The following IGSF3 variants were observed in gnomAD, a reference collection of about 807,000 sequenced individuals.
IGSF3 encodes the protein immunoglobulin superfamily member 3.
IGSF3 carries 23 observed loss-of-function variants against 114.4 expected under a neutral mutation model. The ratio of observed to expected loss-of-function variants is 0.20; its 90% CI spans 0.14 to 0.28. IGSF3 has a LOEUF of 0.28. Among genes scored for constraint, IGSF3 ranks in the 10% least tolerant of loss-of-function variants. The pLI is 1.00. For missense variants in IGSF3, 1,172 were observed against 1,591.5 expected (o/e 0.74, Z 4.48); for synonymous variants, 571 against 645.2 (o/e 0.88, Z 1.74).
In IGSF3 at chr1:116,661,335, A is replaced by C. The variant is rs1046510528; in HGVS notation, c.43+4949T>G. ...TGAACACCTGCTTACTTTGCATGGC[A>C]CAAGGCTGAGTTCTGGGACTACAGT... is the stretch of plus-strand genomic sequence containing the variant. On this transcript the variant is annotated intron_variant, in intron 2 of 10. Coordinates refer to ENST00000369486, the MANE Select transcript of IGSF3 (RefSeq NM_001007237.3). This position sits in a 1 kb window ranked among gnomAD's most constrained non-coding sequence, Gnocchi z 4.0. 1.3e-5 allele frequency among the ~76,000 whole-genome samples: 2 copies of C among 152,200 alleles called. No homozygotes were observed. Among genetic ancestry groups the C allele is most frequent in the Non-Finnish European group, 2.9e-5 (2 of 68,038 alleles).
At chr1:116,637,629 C>T (rs1398229495) in intron 2 of IGSF3, among the ~76,000 whole-genome samples, 1 of 152,308 alleles carries the variant, frequency 6.6e-6, no homozygotes, top group African/African-American at 2.4e-5. Context: ...ACATGGCAGA[C>T]ACCTGCCAAC....
chr1:116,606,468 G>A (rs750347005), intron 5 of IGSF3: 1 of 1,612,352 alleles, frequency 6.2e-7, no homozygotes. Context: ...CGATGTGATT[G>A]TTGTTGTTCT....
At chr1:116,622,133 C>A (rs1443414244) in intron 2 of IGSF3, among the ~76,000 whole-genome samples, 3 of 152,220 alleles carry the variant, frequency 2.0e-5, no homozygotes, top group Non-Finnish European at 2.9e-5. Context: ...CACCATTTTA[C>A]ATCTACTTTT....
chr1:116,589,064 G>C lies in IGSF3; in HGVS notation c.2070C>G (p.Thr690=). 6.2e-7 allele frequency: 1 copy of C among 1,614,112 alleles called. No homozygotes were observed. Among genetic ancestry groups the C allele is most frequent in the Admixed American group, 1.7e-5 (1 of 60,016 alleles). The change falls in exon 8 of 11, where the codon ACC becomes ACG. Residue 690 remains threonine (T), a synonymous_variant. Coordinates refer to ENST00000369486, the MANE Select transcript of IGSF3 (RefSeq NM_001007237.3). The surrounding 1 kb of genome is among the most constrained non-coding windows in gnomAD (Gnocchi z 5.7). The part of the protein sequence containing the change: ...LQVSKSKRTL[T]LVENKPIQLN... ...ACTGAATGGGCTTGTTTTCCACCAG[G>C]GTGAGGGTCCTCTTCGATTTGCTCA...
rs761730940 is a variant in IGSF3, at chr1:116,588,817, C to T, written c.2317G>A (p.Glu773Lys). 3.1e-6 allele frequency: 5 copies of T among 1,614,044 alleles called. No homozygotes were observed. Among genetic ancestry groups the T allele is most frequent in the Middle Eastern group, 1.6e-4 (1 of 6,078 alleles). Residue 773 changes from glutamate to lysine, a missense_variant, in exon 8 of 11, where the codon GAG becomes AAG. Glu to Lys is a moderately conservative substitution (Grantham distance 56, BLOSUM62 1). Transcript: ENST00000369486. This position sits in a 1 kb window ranked among gnomAD's most constrained non-coding sequence, Gnocchi z 4.9. ...GLFSLTVQRA[E>K]VSDSGSYYCH... The stretch of plus-strand genomic sequence containing the variant: ...TAGTAGCTGCCGCTGTCGCTGACCT[C>T]GGCTCTCTGGACGGTGAGGCTGAAC...
intron 5 of IGSF3, among the ~76,000 whole-genome samples, chr1:116,604,752 A>G (rs1221092423): frequency 6.6e-6 from 1 of 152,188 alleles, no homozygotes; most frequent in East Asian, 1.9e-4. Flanking sequence ...TGGCCAATCA[A>G]AAGTTTGGGA....
chr1:116,584,534 T>C lies in IGSF3; in HGVS notation c.2848+111A>G. On this transcript the variant is annotated intron_variant, in intron 9 of 10. Transcript: ENST00000369486. This position sits in a 1 kb window ranked among gnomAD's most constrained non-coding sequence, Gnocchi z 5.8. ...ATGCATATACATGTAGACACTCATA[T>C]ATTTAACTGCAAATAATTTATTAAT... 9.1e-7 allele frequency: 1 copy of C among 1,103,762 alleles called. No homozygotes were observed. The highest frequency in any genetic ancestry group is 1.4e-5 in the South Asian group (1 of 73,118). The allele number at this position is 1,103,762 out of a possible 1,614,324, so 68.4% of individuals were successfully genotyped here. A position where few individuals can be genotyped will look rare whatever the true frequency, so the allele number is the denominator to read the frequency against.
At chr1:116,602,362 TAAAA>T (rs113856068) in intron 6 of IGSF3, among the ~76,000 whole-genome samples, 1 of 145,160 alleles carries the variant, frequency 6.9e-6, no homozygotes, top group African/African-American at 2.5e-5. Flanking sequence ...CCAGGATGGT[TAAAA>T]AAAAAAAAAA....
rs376397898 is a variant in IGSF3 at position 116,606,632 on chromosome 1, T to C, written c.1222+1310A>G. On this transcript the variant is annotated intron_variant, in intron 5 of 10. Transcript: ENST00000369486. ...GGGGGAAATCTTAGTACAAAAAATA[T>C]AGGAAGTAAACAGCGTGGCTGCCCT... The C allele has an allele frequency of 3.2e-3, 2,272 of 706,720 alleles. 41 individuals are homozygous for C. In the African/African-American group the frequency reaches 0.037, roughly 12 times the overall value. 43.8% of individuals were successfully genotyped at this position (706,720 alleles called of 1,614,324 possible). A position where few individuals can be genotyped will look rare whatever the true frequency, so the allele number is the denominator to read the frequency against.
chr1:116,595,358 GGAA>G lies in IGSF3; in HGVS notation c.2029+4580_2029+4582del, dbSNP rs1181068160. Among the ~76,000 whole-genome samples, 1 of 152,134 alleles carries G rather than the reference GGAA, an allele frequency of 6.6e-6. No individual in the cohort carries two copies. The highest frequency in any genetic ancestry group is 2.4e-5 in the African/African-American group (1 of 41,426). ...ACAACAGGCAGAAGCCACCTGGGATGGAAGAAGGAGAACCCCAGACTCCCCTGA... is the reference window on the plus strand; with the variant it reads ...ACAACAGGCAGAAGCCACCTGGGATGGAAGGAGAACCCCAGACTCCCCTGA... On this transcript the variant is annotated intron_variant, in intron 7 of 10. Transcript: ENST00000369486. The surrounding 1 kb of genome is among the most constrained non-coding windows in gnomAD (Gnocchi z 4.2).
rs543747287 is a variant in IGSF3 at position 116,585,407 on chromosome 1, G to C, written c.2441-355C>G. ...GCCGGGGCAGGTGGCTGGGAAGGGC[G>C]GGGGAAGGGGATGGTGAGAAACCTC... On this transcript the variant is annotated intron_variant, in intron 8 of 10. Coordinates refer to ENST00000369486, the MANE Select transcript of IGSF3 (RefSeq NM_001007237.3). This position sits in a 1 kb window ranked among gnomAD's most constrained non-coding sequence, Gnocchi z 4.9. Among the ~76,000 whole-genome samples the C allele has an allele frequency of 1.3e-5, 2 of 152,304 alleles. No individual in the cohort carries two copies. The highest frequency in any genetic ancestry group is 3.9e-4 in the East Asian group (2 of 5,176).
At chr1:116,652,054 T>C (rs1344122548) in intron 2 of IGSF3, among the ~76,000 whole-genome samples, 2 of 152,200 alleles carry the variant, frequency 1.3e-5, no homozygotes, top group African/African-American at 4.8e-5. Flanking sequence ...AGATCTAATC[T>C]AATCTTGGAA....
At chr1:116,652,707 T>G (rs1231994418) in intron 2 of IGSF3, among the ~76,000 whole-genome samples, 1 of 152,166 alleles carries the variant, frequency 6.6e-6, no homozygotes, top group Admixed American at 6.6e-5. Flanking sequence ...AAATTTTAGA[T>G]CCTTATCTTT....
At chr1:116,623,672 G>A (rs2101028987) in intron 2 of IGSF3, among the ~76,000 whole-genome samples, 2 of 152,024 alleles carry the variant, frequency 1.3e-5, no homozygotes. Context: ...CTGCCATCAA[G>A]GGACAGTCTA....
intron 2 of IGSF3, among the ~76,000 whole-genome samples, chr1:116,645,204 A>G (rs1648305949): frequency 6.6e-6 from 1 of 152,268 alleles, no homozygotes. Context: ...TATACACAAG[A>G]ACATGGAGGG....
chr1:116,577,618 A>G lies in IGSF3; in HGVS notation c.3335-56T>C. The G allele has an allele frequency of 1.3e-6, 2 of 1,579,638 alleles. No homozygotes were observed. Among genetic ancestry groups the G allele is most frequent in the South Asian group, 2.3e-5 (2 of 86,492 alleles). ...TGAGGGCTGAGAACCTGGACTGCTC[A>G]CATTTCCTTTTGAAGACCTCACCTG... On this transcript the variant is annotated intron_variant, in intron 10 of 10. Transcript: ENST00000369486. The surrounding 1 kb of genome is among the most constrained non-coding windows in gnomAD (Gnocchi z 5.7).
intron 2 of IGSF3, among the ~76,000 whole-genome samples, chr1:116,630,873 G>A (rs545917897): frequency 3.3e-5 from 5 of 152,306 alleles, no homozygotes; most frequent in African/African-American, 1.2e-4. Context: ...AGAGCAGCTC[G>A]AATCTATGCA....
rs371966462 is a variant in IGSF3, at chr1:116,590,359, G to A, written c.2030-1255C>T. ...GCATTCCCCTACCCAAGCCTTTCCC[G>A]CTACTAAAAATGAAAAAAAAAAAAC... On this transcript the variant is annotated intron_variant, in intron 7 of 10. Coordinates refer to ENST00000369486, the MANE Select transcript of IGSF3 (RefSeq NM_001007237.3). 1.4e-4 allele frequency among the ~76,000 whole-genome samples: 21 copies of A among 148,574 alleles called. No individual in the cohort carries two copies. The East Asian group carries it at 1.6e-3, about 11-fold the overall frequency.
chr1:116,653,199 C>T (rs1294397606), intron 2 of IGSF3, among the ~76,000 whole-genome samples: 1 of 152,200 alleles, frequency 6.6e-6, no homozygotes, highest in African/African-American at 2.4e-5. Flanking sequence ...CAGTCATCCC[C>T]GTTACAGATC....
Sources: allele counts gnomAD v4.1 joint callset (sites outside exome capture counted in the v4.1 genomes callset), GRCh38; gene constraint gnomAD v4.1.1; non-coding constraint Gnocchi (gnomAD v3.1); transcripts MANE v1.5; gene names NCBI Gene and HGNC (gene_info 2026-07-23, HGNC 2026-07-21).